The following SLC24A2 variants were observed in gnomAD, a reference collection of about 807,000 sequenced individuals.
SLC24A2 encodes solute carrier family 24 member 2, also known as sodium/potassium/calcium exchanger 2.
A neutral mutation model predicts 62.0 loss-of-function variants in SLC24A2; 36 were observed. The ratio of observed to expected loss-of-function variants is 0.58; its 90% CI spans 0.44 to 0.77. SLC24A2 has a LOEUF of 0.77. SLC24A2 is among the 30% of genes least tolerant of loss of function. The pLI is 0.00. For synonymous variants in SLC24A2, 358 were observed against 294.0 expected (o/e 1.22, Z -2.23); for missense variants, 846 against 817.9 (o/e 1.03, Z -0.42).
At chr9:19,963,210 A>G in the SLC24A2 span, among the ~76,000 whole-genome samples, 2 of 132,200 alleles carry the variant, frequency 1.5e-5, no homozygotes, top group South Asian at 5.4e-4. Context: ...CTTATATACA[A>G]ATTAATTCAA....
At chr9:19,951,083 G>C in the SLC24A2 span, among the ~76,000 whole-genome samples, 2 of 152,168 alleles carry the variant, frequency 1.3e-5, no homozygotes, top group Non-Finnish European at 2.9e-5. Flanking sequence ...TCCTCCATCA[G>C]GCCTTTGATG....
At chr9:20,123,049 A>T in the SLC24A2 span, among the ~76,000 whole-genome samples, 2 of 152,172 alleles carry the variant, frequency 1.3e-5, no homozygotes, top group African/African-American at 2.4e-5. Context: ...TAGGTGGCTT[A>T]TAATAGACTA....
chr9:20,002,956 C>G, the SLC24A2 span, among the ~76,000 whole-genome samples: 206 of 152,254 alleles, frequency 1.4e-3, 1 homozygote, highest in African/African-American at 4.7e-3. Context: ...GTTTAGATGG[C>G]TCTGTGCTTG....
the SLC24A2 span, among the ~76,000 whole-genome samples, chr9:20,122,291 C>T: frequency 2.6e-5 from 4 of 152,146 alleles, no homozygotes; most frequent in Non-Finnish European, 4.4e-5. Context: ...CCTATACATC[C>T]GATAGTTCTG....
intron 2 of SLC24A2, among the ~76,000 whole-genome samples, chr9:19,783,580 A>T: frequency 6.6e-6 from 1 of 152,208 alleles, no homozygotes; most frequent in East Asian, 1.9e-4. Context: ...TTACATTAAA[A>T]TCACATTCAG....
At chr9:19,785,393 C>T (rs994095653) in intron 2 of SLC24A2, among the ~76,000 whole-genome samples, 1 of 152,184 alleles carries the variant, frequency 6.6e-6, no homozygotes, top group Admixed American at 6.5e-5. Flanking sequence ...TGACCTAAGA[C>T]ATGATTGTGT....
At chr9:19,925,142 C>T in the SLC24A2 span, among the ~76,000 whole-genome samples, 2 of 152,206 alleles carry the variant, frequency 1.3e-5, no homozygotes, top group Non-Finnish European at 2.9e-5. Context: ...CAGACCTGCA[C>T]AGATGTGCTG....
At chr9:19,934,506 G>T in the SLC24A2 span, among the ~76,000 whole-genome samples, 2 of 151,998 alleles carry the variant, frequency 1.3e-5, no homozygotes, top group Admixed American at 1.3e-4. The surrounding 1 kb of genome is among the most constrained non-coding windows in gnomAD (Gnocchi z 4.1). Context: ...AGGTCCCCGC[G>T]CACCCCCGTT....
chr9:20,289,473 C>T, the SLC24A2 span, among the ~76,000 whole-genome samples: 9 of 152,176 alleles, frequency 5.9e-5, no homozygotes, highest in Non-Finnish European at 1.0e-4. Flanking sequence ...TGAATGCCGG[C>T]TCTTCCCCGT....
chr9:19,973,784 C>T, the SLC24A2 span, among the ~76,000 whole-genome samples: 59 of 152,278 alleles, frequency 3.9e-4, no homozygotes, highest in African/African-American at 1.4e-3. Context: ...TATACAATTT[C>T]AAAATAATTA....
the SLC24A2 span, among the ~76,000 whole-genome samples, chr9:19,947,391 GA>G: frequency 1.4e-5 from 2 of 145,094 alleles, no homozygotes; most frequent in Non-Finnish European, 3.0e-5. Flanking sequence ...GAAGGAAGAA[GA>G]AAGAAGGGAA....
intron 2 of SLC24A2, among the ~76,000 whole-genome samples, chr9:19,686,205 A>G (rs2118429450): frequency 6.6e-6 from 1 of 152,324 alleles, no homozygotes; most frequent in East Asian, 1.9e-4. Context: ...TCAAAACCAC[A>G]GTGGGATACC....
At chr9:19,938,796 G>C in the SLC24A2 span, among the ~76,000 whole-genome samples, 24 of 152,242 alleles carry the variant, frequency 1.6e-4, no homozygotes, top group East Asian at 4.2e-3. Flanking sequence ...CAGAAAAAAA[G>C]TTGCTAGATA....
chr9:20,084,899 G>A, the SLC24A2 span, among the ~76,000 whole-genome samples: 1 of 152,152 alleles, frequency 6.6e-6, no homozygotes, highest in Non-Finnish European at 1.5e-5. Context: ...TACAGTTGAG[G>A]GTTTTGAGAG....
chr9:20,307,031 A>G, the SLC24A2 span, among the ~76,000 whole-genome samples: 1 of 152,116 alleles, frequency 6.6e-6, no homozygotes, highest in African/African-American at 2.4e-5. Context: ...CACAACTTCT[A>G]CCATATCTGC....
chr9:20,240,025 C>G, the SLC24A2 span, among the ~76,000 whole-genome samples: 1 of 152,016 alleles, frequency 6.6e-6, no homozygotes, highest in African/African-American at 2.4e-5. Flanking sequence ...AGAGACTAGG[C>G]TAAGCATTTC....
chr9:19,743,841 G>A (rs1299031436), intron 2 of SLC24A2, among the ~76,000 whole-genome samples: 1 of 152,128 alleles, frequency 6.6e-6, no homozygotes, highest in Non-Finnish European at 1.5e-5. Context: ...TGGATCAACA[G>A]TATAAATGGA....
the SLC24A2 span, among the ~76,000 whole-genome samples, chr9:20,107,711 C>G: frequency 6.6e-6 from 1 of 152,116 alleles, no homozygotes; most frequent in Non-Finnish European, 1.5e-5. Flanking sequence ...GGATTAAAGA[C>G]TTAAATGTTA....
chr9:20,049,171 T>C, the SLC24A2 span, among the ~76,000 whole-genome samples: 1 of 152,050 alleles, frequency 6.6e-6, no homozygotes, highest in Non-Finnish European at 1.5e-5. Context: ...CAAACTCTAT[T>C]TTCTCTCAGA....
Sources: gnomAD v4.1 joint callset for allele counts (sites outside exome capture counted in the v4.1 genomes callset) on GRCh38, gnomAD v4.1.1 for gene constraint, Gnocchi (gnomAD v3.1) non-coding constraint, MANE v1.5 for transcripts, NCBI Gene and HGNC (gene_info 2026-07-23, HGNC 2026-07-21) for gene names.